RHBDL3: variants seen among roughly 807,000 people sequenced by gnomAD.
RHBDL3 encodes rhomboid like 3, also known as rhomboid-related protein 3.
In RHBDL3, 28 loss-of-function variants were observed where a neutral mutation model predicts 48.2. The ratio of observed to expected loss-of-function variants is 0.58; its 90% confidence interval spans 0.43 to 0.80. The LOEUF is 0.80. RHBDL3 is among the 30% of genes least tolerant of loss of function. RHBDL3 has a pLI of 0.00. For missense variants in RHBDL3, 464 were observed against 542.7 expected, an observed-to-expected ratio of 0.85 and a Z score of 1.44; for synonymous variants, 208 against 232.3, an observed-to-expected ratio of 0.90 and a Z score of 0.95.
At chr17:32,300,047 C>T (rs1284243421) in intron 6 of RHBDL3, among the ~76,000 whole-genome samples, 3 of 152,284 alleles carry the variant, frequency 2.0e-5, no homozygotes, top group Non-Finnish European at 2.9e-5. Flanking sequence ...CACACAGCAA[C>T]GCTACGAGGT....
rs1401336868 is a variant in RHBDL3, at chr17:32,284,689, A to G, written c.166A>G (p.Thr56Ala). ...FDPGNTGYISTGKFRSLLESH... is the reference protein window; with the variant it reads ...FDPGNTGYISAGKFRSLLESH... ...CCCTGGGAACACAGGCTACATTAGC[A>G]CAGGCAAGTTCCGGAGTCTTCTGGA... Residue 56 changes from threonine (T) to alanine (A), a missense_variant, in exon 3 of 9, where the codon ACA becomes GCA. Physicochemically the swap from Thr to Ala is moderately conservative, Grantham distance 58. Transcript: ENST00000269051. 2.5e-6 allele frequency: 4 copies of G among 1,614,076 alleles called. No individual in the cohort carries two copies. The highest frequency in any genetic ancestry group is 3.4e-6 in the Non-Finnish European group (4 of 1,180,026).
intron 2 of RHBDL3, among the ~76,000 whole-genome samples, chr17:32,279,319 A>C (rs1191055619): frequency 6.6e-6 from 1 of 152,164 alleles, no homozygotes; most frequent in Non-Finnish European, 1.5e-5. Flanking sequence ...GCCAGCACAT[A>C]AACTAGCTCC....
chr17:32,300,039 C>T (rs886410323), intron 6 of RHBDL3, among the ~76,000 whole-genome samples: 6 of 152,176 alleles, frequency 3.9e-5, no homozygotes, highest in African/African-American at 1.2e-4. Context: ...AATTCATCCA[C>T]ACAGCAACGC....
intron 6 of RHBDL3, among the ~76,000 whole-genome samples, chr17:32,302,531 G>GTATATA (rs141019006): frequency 4.3e-4 from 53 of 122,504 alleles, no homozygotes; most frequent in Middle Eastern, 3.9e-3. Flanking sequence ...GCTAATTTTT[G>GTATATA]TATATATATA....
intron 2 of RHBDL3, among the ~76,000 whole-genome samples, chr17:32,274,259 C>T (rs2039843212): frequency 6.6e-6 from 1 of 152,214 alleles, no homozygotes; most frequent in Non-Finnish European, 1.5e-5. Flanking sequence ...AGGGCTAGCA[C>T]TCCTCTGTCT....
At chr17:32,315,926 G>A (rs964859953) in intron 7 of RHBDL3, among the ~76,000 whole-genome samples, 5 of 151,784 alleles carry the variant, frequency 3.3e-5, no homozygotes, top group East Asian at 1.9e-4. Context: ...CTTTGCAACC[G>A]TGGAGCTCAG....
chr17:32,273,389 C>T (rs1427529558), intron 2 of RHBDL3, among the ~76,000 whole-genome samples: 5 of 152,234 alleles, frequency 3.3e-5, no homozygotes, highest in African/African-American at 1.2e-4. Context: ...GAGACTAGAT[C>T]CCAACCCTGC....
chr17:32,273,711 A>C (rs2039829206), intron 2 of RHBDL3, among the ~76,000 whole-genome samples: 1 of 152,182 alleles, frequency 6.6e-6, no homozygotes, highest in Non-Finnish European at 1.5e-5. Context: ...AAAAATAAAA[A>C]GACATATAAT....
Position 32,301,462 on chromosome 17 carries a change from C to A in RHBDL3, c.781+3258C>A, listed in dbSNP as rs534799186. ...TATTATAGATTATATAGATTACTAA[C>A]CACGTGTGCATCCCCAGGGCCTAGC... is the stretch of plus-strand genomic sequence containing the variant. On this transcript the variant is annotated intron_variant, in intron 6 of 8. Coordinates refer to ENST00000269051, the MANE Select transcript of RHBDL3 (RefSeq NM_138328.3). Among the ~76,000 whole-genome samples, 72 of 151,088 alleles carry A rather than the reference C, an allele frequency of 4.8e-4. 1 individual carries two copies. Among genetic ancestry groups the A allele is most frequent in the African/African-American group, 1.7e-3 (70 of 41,110 alleles).
At chr17:32,282,261 T>C (rs979835306) in intron 2 of RHBDL3, among the ~76,000 whole-genome samples, 10 of 152,134 alleles carry the variant, frequency 6.6e-5, no homozygotes, top group Non-Finnish European at 1.3e-4. Context: ...GTGGGAGATA[T>C]ACAGATTTAA....
chr17:32,279,693 G>A (rs866579270), intron 2 of RHBDL3, among the ~76,000 whole-genome samples: 9 of 152,288 alleles, frequency 5.9e-5, no homozygotes, highest in South Asian at 2.1e-4. Context: ...CCCCGTTTCC[G>A]TATGGCACGC....
chr17:32,279,552 T>C (rs2039993487), intron 2 of RHBDL3, among the ~76,000 whole-genome samples: 1 of 152,166 alleles, frequency 6.6e-6, no homozygotes, highest in African/African-American at 2.4e-5. Context: ...ACCCCGGCCC[T>C]TCCTCACTCC....
chr17:32,288,010 G>A (rs534395073), intron 3 of RHBDL3, among the ~76,000 whole-genome samples: 1 of 152,326 alleles, frequency 6.6e-6, no homozygotes, highest in East Asian at 1.9e-4. Context: ...TGGTCCCCAG[G>A]TGGAGCTCTG....
chr17:32,277,719 C>T (rs1038404355), intron 2 of RHBDL3, among the ~76,000 whole-genome samples: 3 of 152,216 alleles, frequency 2.0e-5, no homozygotes, highest in African/African-American at 7.2e-5. Context: ...GGCAAAGGGG[C>T]TAGGTTCACC....
At chr17:32,268,162 C>G (rs560434446) in intron 2 of RHBDL3, among the ~76,000 whole-genome samples, 2 of 152,264 alleles carry the variant, frequency 1.3e-5, no homozygotes, top group Admixed American at 1.3e-4. Context: ...GCACCAGAGC[C>G]GGGTTTACAC....
At chr17:32,297,910 C>T (rs2040490849) in intron 5 of RHBDL3, among the ~76,000 whole-genome samples, 182 bp from the exon 6 acceptor site, 1 of 152,152 alleles carries the variant, frequency 6.6e-6, no homozygotes, top group African/African-American at 2.4e-5. Context: ...AAGGAACACT[C>T]TTTCCAAGAT....
intron 7 of RHBDL3, 108 bp from the exon 8 acceptor site, chr17:32,316,124 T>G (rs2040967020): frequency 1.3e-6 from 1 of 792,060 alleles, no homozygotes; most frequent in African/African-American, 1.7e-5. Context: ...ACCCTCTCAT[T>G]CAGGACTTCA....
rs774745615 is a variant in RHBDL3 at position 32,288,997 on chromosome 17, T to C, written c.500T>C (p.Ile167Thr). 1.4e-5 allele frequency: 23 copies of C among 1,613,954 alleles called. 1 individual carries two copies. The Middle Eastern group carries it at 6.6e-4, about 46-fold the overall frequency. The stretch of plus-strand genomic sequence containing the variant: ...TGCTGCCCCCCACCCTGGTTCATGA[T>C]CACAGTCACGCTGCTGGAGGCAAGG... ...YTCCPPPWFM[I>T]TVTLLEVAFF... Residue 167 changes from isoleucine to threonine, a missense_variant, in exon 4 of 9, where the codon ATC becomes ACC. Physicochemically the swap from Ile to Thr is moderately conservative, Grantham distance 89. Transcript: ENST00000269051.
intron 5 of RHBDL3, 120 bp from the exon 6 acceptor site, chr17:32,297,972 A>G (rs2040492134): frequency 5.7e-6 from 4 of 706,904 alleles, no homozygotes; most frequent in Non-Finnish European, 5.1e-6. Context: ...CCTCGCAGGC[A>G]GAGGTGGTCT....
Sources: allele counts gnomAD v4.1 joint callset (sites outside exome capture counted in the v4.1 genomes callset), GRCh38; gene constraint gnomAD v4.1.1; transcripts MANE v1.5; gene names NCBI Gene and HGNC (gene_info 2026-07-23, HGNC 2026-07-21).